TMEM164: variants seen among roughly 807,000 people sequenced by gnomAD.
TMEM164 encodes transmembrane protein 164.
A neutral mutation model predicts 18.8 loss-of-function variants in TMEM164; 4 were observed. The ratio of observed to expected loss-of-function variants is 0.21; its 90% CI spans 0.10 to 0.49. The LOEUF is 0.49. Among genes scored for constraint, TMEM164 ranks in the 20% least tolerant of loss-of-function variants. The pLI, the probability that TMEM164 is intolerant of heterozygous loss-of-function variation, is 0.98. For missense variants in TMEM164, 108 were observed against 239.9 expected, an observed-to-expected ratio of 0.45 and a Z score of 3.63; for synonymous variants, 86 against 101.7, an observed-to-expected ratio of 0.85 and a Z score of 0.93.
At chrX:110,153,748 G>C (rs1255079219) in intron 5 of TMEM164, among the ~76,000 whole-genome samples, 3 of 111,428 alleles carry the variant, frequency 2.7e-5, no homozygotes. Context: ...ACACAAATTT[G>C]TAAACTTTCT....
At chrX:110,007,562 C>A (rs1421473168) in intron 2 of TMEM164, among the ~76,000 whole-genome samples, 1 of 112,002 alleles carries the variant, frequency 8.9e-6, no homozygotes, top group East Asian at 2.8e-4. Flanking sequence ...GTACTGTTTA[C>A]CAAAAATCAC....
intron 3 of TMEM164, among the ~76,000 whole-genome samples, chrX:110,096,773 G>A (rs2066027641): frequency 9.0e-6 from 1 of 111,713 alleles, no homozygotes; most frequent in Admixed American, 9.5e-5. Flanking sequence ...ACTCATGCTG[G>A]GAGCTGTAGA....
rs371030289 is a variant in TMEM164 at position 110,038,159 on chromosome X, T to G, written c.391-29188T>G. 1.1e-4 allele frequency among the ~76,000 whole-genome samples: 12 copies of G among 107,812 alleles called. No individual in the cohort carries two copies. The South Asian group carries it at 1.6e-3, about 15-fold the overall frequency. 93.6% of individuals were successfully genotyped at this position (107,812 alleles called of 115,157 possible). A position where few individuals can be genotyped will look rare whatever the true frequency, so the allele number is the denominator to read the frequency against. On this transcript the variant is annotated intron_variant, in intron 2 of 6. Coordinates refer to ENST00000372068, the MANE Select transcript of TMEM164 (RefSeq NM_032227.4). ...GCGCCCGCCACTACGCCCGGCTAAT[T>G]TTTTGTATTTTTAGTAGAGAACGGG...
chrX:110,118,199 C>T (rs1273776448), intron 4 of TMEM164, among the ~76,000 whole-genome samples: 1 of 112,641 alleles, frequency 8.9e-6, no homozygotes, highest in Admixed American at 9.4e-5. Flanking sequence ...AGGCGTAAGC[C>T]ACCATGCCTG....
chrX:110,115,214 C>T (rs1004500473), intron 4 of TMEM164, among the ~76,000 whole-genome samples: 1 of 112,143 alleles, frequency 8.9e-6, no homozygotes, highest in Non-Finnish European at 1.9e-5. Context: ...ATTGGCACAT[C>T]GAAATGTGCT....
intron 2 of TMEM164, among the ~76,000 whole-genome samples, chrX:110,064,775 G>A (rs886251673): frequency 3.7e-5 from 4 of 109,119 alleles, no homozygotes; most frequent in Non-Finnish European, 7.6e-5. Context: ...ACAGGAGTTC[G>A]AGACCAGCCA....
chrX:110,036,048 T>A (rs1389754675), intron 2 of TMEM164, among the ~76,000 whole-genome samples: 1 of 111,832 alleles, frequency 8.9e-6, no homozygotes, highest in Non-Finnish European at 1.9e-5. Flanking sequence ...AATCTTTTTT[T>A]TAAAGCAAAT....
intron 3 of TMEM164, among the ~76,000 whole-genome samples, chrX:110,107,214 G>A (rs140252679): frequency 0.015 from 1,637 of 111,844 alleles, 25 homozygotes; most frequent in African/African-American, 0.051. Flanking sequence ...ATACAAGGCA[G>A]CAAGAGAGAT....
intron 5 of TMEM164, among the ~76,000 whole-genome samples, 161 bp downstream of exon 5, chrX:110,145,037 G>A (rs1034544270): frequency 5.4e-5 from 6 of 111,055 alleles, no homozygotes; most frequent in African/African-American, 2.0e-4. Flanking sequence ...GTGGGGAGAT[G>A]GGAATGGACG....
intron 3 of TMEM164, among the ~76,000 whole-genome samples, chrX:110,098,352 AAT>A (rs753670556): frequency 1.3e-4 from 14 of 111,946 alleles, no homozygotes; most frequent in Admixed American, 4.7e-4. Flanking sequence ...GTCTATTATG[AAT>A]AGAGTTGCTG....
intron 2 of TMEM164, among the ~76,000 whole-genome samples, chrX:110,056,522 TCC>T (rs1935841423): frequency 8.9e-6 from 1 of 112,247 alleles, no homozygotes; most frequent in African/African-American, 3.2e-5. Flanking sequence ...GGTTTTTATT[TCC>T]CTTGGACATA....
intron 5 of TMEM164, among the ~76,000 whole-genome samples, chrX:110,149,346 A>G (rs2066907675): frequency 8.9e-6 from 1 of 111,754 alleles, no homozygotes. Context: ...ACCCTCTACC[A>G]GACTTTTCAC....
chrX:110,007,593 G>C (rs1932790115), intron 2 of TMEM164, among the ~76,000 whole-genome samples: 1 of 112,319 alleles, frequency 8.9e-6, no homozygotes, highest in African/African-American at 3.2e-5. Flanking sequence ...AGTGGCACAG[G>C]TGGCTTTAGA....
At chrX:110,082,802 TC>T (rs1295005631) in intron 3 of TMEM164, among the ~76,000 whole-genome samples, 1 of 111,076 alleles carries the variant, frequency 9.0e-6, no homozygotes, top group African/African-American at 3.3e-5. Context: ...AGTTTTTTTT[TC>T]TTTCAAATAT....
intron 2 of TMEM164, chrX:110,020,508 G>C (rs1933748237): frequency 8.0e-6 from 6 of 754,315 alleles, no homozygotes; most frequent in Non-Finnish European, 9.4e-6. Context: ...AAGTATTCTG[G>C]GGAATGTCTC....
At chrX:110,126,365 C>T (rs1245055626) in intron 4 of TMEM164, among the ~76,000 whole-genome samples, 1 of 112,522 alleles carries the variant, frequency 8.9e-6, no homozygotes, top group African/African-American at 3.2e-5. Flanking sequence ...GGACTCACAG[C>T]ATCTCCTGCT....
chrX:110,048,644 C>A (rs1049963216), intron 2 of TMEM164, among the ~76,000 whole-genome samples: 2 of 110,877 alleles, frequency 1.8e-5, no homozygotes, highest in Non-Finnish European at 3.8e-5. Flanking sequence ...TATTTTCTTC[C>A]AGAGGTATAC....
intron 2 of TMEM164, among the ~76,000 whole-genome samples, chrX:110,042,381 T>C (rs1935135800): frequency 8.9e-6 from 1 of 112,099 alleles, no homozygotes; most frequent in African/African-American, 3.2e-5. Context: ...TAAGGGTGAG[T>C]AATATTATAT....
chrX:110,107,776 C>T (rs2066228465), intron 3 of TMEM164, among the ~76,000 whole-genome samples: 1 of 108,956 alleles, frequency 9.2e-6, no homozygotes, highest in Non-Finnish European at 1.9e-5. Flanking sequence ...TCTTGTGCCT[C>T]AGCCTCCCGA....
Sources: allele counts gnomAD v4.1 joint callset (sites outside exome capture counted in the v4.1 genomes callset), GRCh38; gene constraint gnomAD v4.1.1; transcripts MANE v1.5; gene names NCBI Gene and HGNC (gene_info 2026-07-23, HGNC 2026-07-21).